The following SEPTIN2 variants were observed in gnomAD, a reference collection of about 807,000 sequenced individuals.
SEPTIN2 encodes septin-2.
SEPTIN2 carries 34 observed loss-of-function variants against 46.5 expected under a neutral mutation model. The ratio of observed to expected loss-of-function variants is 0.73; its 90% CI spans 0.56 to 0.97. The LOEUF (loss-of-function observed/expected upper bound fraction) is 0.97. Among genes scored for constraint, SEPTIN2 ranks in the 50% least tolerant of loss-of-function variants. SEPTIN2 has a pLI of 0.00. For missense variants in SEPTIN2, 347 were observed against 448.4 expected (o/e 0.77, Z 2.04); for synonymous variants, 175 against 153.4 (o/e 1.14, Z -1.04).
intron 5 of SEPTIN2, chr2:241,336,487 GGAAAT>G (rs2080014053): frequency 5.3e-6 from 1 of 188,514 alleles, no homozygotes; most frequent in African/African-American, 2.4e-5. Context: ...TCACAAATAA[GGAAAT>G]GAAGAAGTAG....
rs1202704276 is a variant in SEPTIN2 at position 241,352,672 on chromosome 2, CTT to C, written c.*738_*739del. On this transcript the variant is annotated 3_prime_UTR_variant, in exon 13 of 13. Coordinates refer to ENST00000391971, the MANE Select transcript of SEPTIN2 (RefSeq NM_004404.5). ...ATGCAAAGAACTCACCACAAGCCAC[CTT>C]TTGTAGTGTTCTCCACTAATACTGG... 1.3e-5 allele frequency: 2 copies of C among 152,146 alleles called. No homozygotes were observed. Among genetic ancestry groups the C allele is most frequent in the Non-Finnish European group, 2.9e-5 (2 of 68,034 alleles). 9.4% of individuals were successfully genotyped at this position (152,146 alleles called of 1,614,324 possible). A position where few individuals can be genotyped will look rare whatever the true frequency, so the allele number is the denominator to read the frequency against.
intron 3 of SEPTIN2, among the ~76,000 whole-genome samples, chr2:241,332,036 A>G (rs1482046509): frequency 2.0e-5 from 3 of 152,208 alleles, no homozygotes; most frequent in African/African-American, 4.8e-5. Context: ...AATGAACTTC[A>G]ACTCCTGCTT....
In SEPTIN2 at chr2:241,337,134, C is replaced by G. The variant is rs1468951568; in HGVS notation, c.342-248C>G. ...GAATTGGCAGCCCTGTCTACACTGG[C>G]CCTCTCTCAGGTGCATCATAACCTA... On this transcript the variant is annotated intron_variant, in intron 5 of 12. Transcript: ENST00000391971. The G allele has an allele frequency of 1.4e-5, 6 of 416,488 alleles. No individual in the cohort carries two copies. The Middle Eastern group carries it at 1.9e-3, about 131-fold the overall frequency. 25.8% of individuals were successfully genotyped at this position (416,488 alleles called of 1,614,324 possible). A position where few individuals can be genotyped will look rare whatever the true frequency, so the allele number is the denominator to read the frequency against.
chr2:241,331,485 G>A (rs2079001450), intron 3 of SEPTIN2, among the ~76,000 whole-genome samples: 1 of 152,156 alleles, frequency 6.6e-6, no homozygotes, highest in Non-Finnish European at 1.5e-5. Context: ...CACCTCCCAG[G>A]TTTAAGTGAT....
intron 5 of SEPTIN2, 192 bp from the exon 6 acceptor site, chr2:241,337,190 A>T (rs988103675): frequency 1.4e-5 from 8 of 552,212 alleles, no homozygotes; most frequent in Non-Finnish European, 2.5e-5. Context: ...CTCAGCACTT[A>T]GGGGCAGTTA....
upstream of SEPTIN2, chr2:241,315,552 G>A (rs538678278): frequency 1.6e-3 from 239 of 152,682 alleles, no homozygotes; most frequent in Non-Finnish European, 2.7e-3. Context: ...CCCACCGCAA[G>A]GCGAAGATTC....
At chr2:241,335,926 C>T (rs375338910) in intron 4 of SEPTIN2, 49 bp from the exon 5 acceptor site, 12 of 1,613,492 alleles carry the variant, frequency 7.4e-6, no homozygotes, top group African/African-American at 1.3e-5. Context: ...CGTGAGCTTT[C>T]CTCTTCACAT....
chr2:241,324,454 C>A, intron 2 of SEPTIN2: 1 of 518,980 alleles, frequency 1.9e-6, no homozygotes, highest in South Asian at 2.0e-5. Context: ...GTGGCATGAT[C>A]TCAGCTCACT....
At chr2:241,317,588 A>G (rs2076548625) in intron 1 of SEPTIN2, 3 of 981,878 alleles carry the variant, frequency 3.1e-6, no homozygotes, top group Non-Finnish European at 2.4e-6. Context: ...CTCATTTGGC[A>G]GCAGAGGTGA....
intron 7 of SEPTIN2, among the ~76,000 whole-genome samples, chr2:241,339,885 AC>A (rs1166091456): frequency 6.6e-6 from 1 of 151,984 alleles, no homozygotes; most frequent in Non-Finnish European, 1.5e-5. Context: ...GCTTCTCCTG[AC>A]CCCTGACCCC....
Position 241,343,856 on chromosome 2 carries a change from C to G in SEPTIN2, c.801C>G (p.Asn267Lys). ...LYPWGVVEVE[N>K]PEHNDFLKLR... ...CCTGGGGTGTTGTGGAAGTGGAGAACCCAGAGCACAATGACTTTCTGAAGC... is the reference window on the plus strand; with the variant it reads ...CCTGGGGTGTTGTGGAAGTGGAGAAGCCAGAGCACAATGACTTTCTGAAGC... Residue 267 changes from asparagine (N) to lysine (K), a missense_variant, in exon 9 of 13, where the codon AAC (asparagine) becomes AAG (lysine). Transcript: ENST00000391971. 1 of 1,614,170 alleles carries G rather than the reference C, an allele frequency of 6.2e-7. No homozygotes were observed. The highest frequency in any genetic ancestry group is 8.5e-7 in the Non-Finnish European group (1 of 1,180,022).
At position 241,340,375 on chromosome 2, in the gene SEPTIN2, T is replaced by C. The variant is rs115604334; in HGVS notation, c.594+2585T>C. On this transcript the variant is annotated intron_variant, in intron 7 of 12. Transcript: ENST00000391971. Reference sequence around the variant, plus strand: ...GTTGACTATCACGTTGCAGATGATTTCACCTGGTTTGACTTTCATTTTTTC... The same window carrying C: ...GTTGACTATCACGTTGCAGATGATTCCACCTGGTTTGACTTTCATTTTTTC... 1.7e-3 allele frequency among the ~76,000 whole-genome samples: 260 copies of C among 152,352 alleles called. 1 individual carries two copies. Among genetic ancestry groups the C allele is most frequent in the African/African-American group, 6.1e-3 (255 of 41,588 alleles).
intron 2 of SEPTIN2, 172 bp downstream of exon 2, chr2:241,324,413 G>A (rs1374618088): frequency 8.8e-6 from 5 of 568,394 alleles, no homozygotes; most frequent in Non-Finnish European, 1.6e-5. Context: ...TTTGAGACGG[G>A]AGTCTTGTTC....
In SEPTIN2 at chr2:241,353,435, A is replaced by T. The variant is rs772224749; in HGVS notation, c.*1498A>T. ...ATGGTTGTGTAGGGAGATGGAGAAA[A>T]TGCTTAATCTGAGGATGAGACAGGG... is the stretch of plus-strand genomic sequence containing the variant. On this transcript the variant is annotated 3_prime_UTR_variant, in exon 13 of 13. Transcript: ENST00000391971. 2.6e-5 allele frequency: 4 copies of T among 152,192 alleles called. No homozygotes were observed. Among genetic ancestry groups the T allele is most frequent in the Non-Finnish European group, 5.9e-5 (4 of 68,024 alleles). The allele number at this position is 152,192 out of a possible 1,614,324, so 9.4% of individuals were successfully genotyped here.
chr2:241,329,377 C>T (rs2078592039), intron 3 of SEPTIN2, among the ~76,000 whole-genome samples: 1 of 152,092 alleles, frequency 6.6e-6, no homozygotes, highest in South Asian at 2.1e-4. Flanking sequence ...ATCCGCCCGC[C>T]TCGGCCTCTC....
intron 1 of SEPTIN2, among the ~76,000 whole-genome samples, chr2:241,323,178 T>C (rs2077405521): frequency 6.6e-6 from 1 of 151,706 alleles, no homozygotes; most frequent in Non-Finnish European, 1.5e-5. Flanking sequence ...CATCTAATTT[T>C]TTTTTTTTTT....
chr2:241,335,755 A>G (rs1044031022), intron 4 of SEPTIN2: 5 of 592,488 alleles, frequency 8.4e-6, no homozygotes, highest in Non-Finnish European at 1.5e-5. Context: ...TATAATTTTT[A>G]ACATTTGTGT....
At chr2:241,324,534 C>T (rs138870773) in intron 2 of SEPTIN2, 98 of 436,442 alleles carry the variant, frequency 2.2e-4, no homozygotes, top group African/African-American at 7.6e-4. Flanking sequence ...ACTGCAGACA[C>T]GTGCCACCAC....
At chr2:241,316,454 A>G in intron 1 of SEPTIN2, 1 of 1,466,790 alleles carries the variant, frequency 6.8e-7, no homozygotes, top group Non-Finnish European at 9.0e-7. Context: ...CAAACCTCCA[A>G]GCCCATCGGC....
Sources: allele counts gnomAD v4.1 joint callset (sites outside exome capture counted in the v4.1 genomes callset), GRCh38; gene constraint gnomAD v4.1.1; transcripts MANE v1.5; gene names NCBI Gene and HGNC (gene_info 2026-07-23, HGNC 2026-07-21).